Variants in KAZN observed in about 807,000 individuals in gnomAD.
KAZN encodes kazrin.
In KAZN, 40 loss-of-function variants were observed where a neutral mutation model predicts 87.4. The observed-to-expected ratio is 0.46, with a 90% confidence interval of 0.36 to 0.60. The LOEUF (loss-of-function observed/expected upper bound fraction) is 0.60, where lower values mean the gene tolerates loss of function less well. Ranked by LOEUF, KAZN falls within the 20% of genes least tolerant of loss-of-function variation. The pLI is 0.00. For synonymous variants in KAZN, 466 were observed against 458.3 expected (o/e 1.02, Z -0.22); for missense variants, 898 against 1,073.9 (o/e 0.84, Z 2.29).
chr1:14,314,991 T>A (rs893828506), intron 2 of KAZN, among the ~76,000 whole-genome samples: 1 of 152,178 alleles, frequency 6.6e-6, no homozygotes, highest in Non-Finnish European at 1.5e-5. Flanking sequence ...ATCAATGCTG[T>A]ATCAAAATTT....
chr1:14,968,073 T>G (rs1664644155), intron 2 of KAZN, among the ~76,000 whole-genome samples: 2 of 152,104 alleles, frequency 1.3e-5, no homozygotes, highest in South Asian at 4.1e-4. Flanking sequence ...CTATTATTAT[T>G]ACATTGTAAT....
chr1:14,183,055 C>A (rs1198678580), intron 2 of KAZN, among the ~76,000 whole-genome samples: 2 of 152,080 alleles, frequency 1.3e-5, no homozygotes, highest in Admixed American at 6.6e-5. Context: ...CATCAGCTTG[C>A]AAGTCGAATG....
intron 2 of KAZN, among the ~76,000 whole-genome samples, chr1:14,237,406 C>A (rs1382173193): frequency 6.6e-6 from 1 of 152,158 alleles, no homozygotes; most frequent in South Asian, 2.1e-4. Context: ...CAGACCTTGG[C>A]TTTCAATCAT....
upstream of KAZN, among the ~76,000 whole-genome samples, chr1:14,596,846 G>C (rs562856904): frequency 1.3e-5 from 2 of 152,264 alleles, no homozygotes; most frequent in South Asian, 4.1e-4. Flanking sequence ...ATCTGTTGAT[G>C]GACATTTGGG....
intron 1 of KAZN, among the ~76,000 whole-genome samples, chr1:14,917,113 CT>C (rs1252983301): frequency 6.6e-6 from 1 of 152,078 alleles, no homozygotes; most frequent in African/African-American, 2.4e-5. Context: ...ATTTGGGGAC[CT>C]GGGAAAACCA....
chr1:14,862,806 C>T (rs1351982855), intron 1 of KAZN, among the ~76,000 whole-genome samples: 1 of 152,154 alleles, frequency 6.6e-6, no homozygotes, highest in Non-Finnish European at 1.5e-5. Flanking sequence ...GACACAGAAC[C>T]AATTTCACCA....
At chr1:14,580,841 A>G (rs1314917556) in intron 2 of KAZN, among the ~76,000 whole-genome samples, 1 of 152,184 alleles carries the variant, frequency 6.6e-6, no homozygotes, top group Non-Finnish European at 1.5e-5. Context: ...AACCAATGTC[A>G]TCAATCATCA....
At chr1:14,187,716 AG>A (rs1031167250) in intron 2 of KAZN, among the ~76,000 whole-genome samples, 1 of 152,204 alleles carries the variant, frequency 6.6e-6, no homozygotes, top group African/African-American at 2.4e-5. Context: ...TACAATGCAC[AG>A]GAGAGCTGCT....
At chr1:14,481,126 A>T (rs1030469544) in intron 2 of KAZN, among the ~76,000 whole-genome samples, 13 of 151,936 alleles carry the variant, frequency 8.6e-5, no homozygotes, top group African/African-American at 2.4e-4. Context: ...TCAATCTCAC[A>T]TGGTCAGGAG....
chr1:14,744,394 GT>G (rs532254394), intron 1 of KAZN, among the ~76,000 whole-genome samples: 3 of 151,072 alleles, frequency 2.0e-5, no homozygotes, highest in East Asian at 1.9e-4. Context: ...GATGGTGGTA[GT>G]TTTTTTTGTT....
At chr1:14,211,948 G>A in intron 2 of KAZN, among the ~76,000 whole-genome samples, 1 of 151,932 alleles carries the variant, frequency 6.6e-6, no homozygotes, top group Non-Finnish European at 1.5e-5. Flanking sequence ...CCCCCAGCCT[G>A]GTTCCCACAT....
At chr1:14,428,276 A>G (rs1665853902) in intron 2 of KAZN, among the ~76,000 whole-genome samples, 1 of 152,148 alleles carries the variant, frequency 6.6e-6, no homozygotes, top group African/African-American at 2.4e-5. Flanking sequence ...GCTTTCAATC[A>G]AGGGAGTACA....
chr1:14,619,764 T>G (rs1052056941), intron 1 of KAZN, among the ~76,000 whole-genome samples: 1 of 152,204 alleles, frequency 6.6e-6, no homozygotes, highest in African/African-American at 2.4e-5. Flanking sequence ...ATACTGGACA[T>G]TTTATATAAA....
At chr1:14,026,394 G>A (rs922885999) in intron 1 of KAZN, among the ~76,000 whole-genome samples, 1 of 152,140 alleles carries the variant, frequency 6.6e-6, no homozygotes, top group Non-Finnish European at 1.5e-5. Flanking sequence ...GTAGAGCCAG[G>A]CTTGAAGACC....
Position 14,877,711 on chromosome 1 carries a change from T to C in KAZN, c.227-82973T>C, listed in dbSNP as rs72870376. ...ATCCATAACATGTGTGTAATAATAG[T>C]GCCTACTGCGTGAGCCTGTTGGGGG... On this transcript the variant is annotated intron_variant, in intron 1 of 14. Transcript: ENST00000376030. Among the ~76,000 whole-genome samples, 1,227 of 152,308 alleles carry C rather than the reference T, an allele frequency of 8.1e-3. 16 individuals are homozygous for C. The highest frequency in any genetic ancestry group is 0.027 in the African/African-American group (1,140 of 41,568).
chr1:14,724,300 GA>G (rs1197002296), intron 1 of KAZN, among the ~76,000 whole-genome samples: 2 of 152,168 alleles, frequency 1.3e-5, no homozygotes, highest in Non-Finnish European at 2.9e-5. Context: ...AGGAATGATG[GA>G]AAGATTTTTT....
At chr1:15,045,455 G>A (rs1006847478) in intron 4 of KAZN, among the ~76,000 whole-genome samples, 17 of 152,270 alleles carry the variant, frequency 1.1e-4, no homozygotes, top group African/African-American at 1.7e-4. Context: ...TAGGGGTGCC[G>A]ATCCCCTGCG....
chr1:14,738,363 C>T (rs1029405617), intron 1 of KAZN, among the ~76,000 whole-genome samples: 7 of 151,950 alleles, frequency 4.6e-5, no homozygotes, highest in South Asian at 4.2e-4. Flanking sequence ...TGCACCGTGG[C>T]GCAGATGACA....
At chr1:14,980,105 T>G (rs1666081070) in intron 2 of KAZN, among the ~76,000 whole-genome samples, 1 of 152,146 alleles carries the variant, frequency 6.6e-6, no homozygotes, top group Non-Finnish European at 1.5e-5. Context: ...GTCTGGCTGG[T>G]CTCAAACTCC....
Sources: gnomAD v4.1 joint callset for allele counts (sites outside exome capture counted in the v4.1 genomes callset) on GRCh38, gnomAD v4.1.1 for gene constraint, MANE v1.5 for transcripts, NCBI Gene and HGNC (gene_info 2026-07-23, HGNC 2026-07-21) for gene names.